The following SPATA16 variants were observed in gnomAD, a reference collection of about 807,000 sequenced individuals.
SPATA16 encodes spermatogenesis associated 16.
SPATA16 carries 36 observed loss-of-function variants against 63.3 expected under a neutral mutation model. The ratio of observed to expected loss-of-function variants is 0.57; its 90% CI spans 0.44 to 0.75. SPATA16 has a LOEUF of 0.75. Ranked by LOEUF, SPATA16 falls within the 30% of genes least tolerant of loss-of-function variation. The probability of loss-of-function intolerance (pLI) is 0.00; values close to 1 mark genes in which losing one functional copy is unlikely to be tolerated. For synonymous variants in SPATA16, 203 were observed against 216.7 expected (o/e 0.94, Z 0.56); for missense variants, 646 against 679.3 (o/e 0.95, Z 0.54).
chr3:172,973,230 C>T (rs1734085392), intron 5 of SPATA16, among the ~76,000 whole-genome samples: 2 of 151,994 alleles, frequency 1.3e-5, no homozygotes. Context: ...AGATCAATTT[C>T]CAATTCAATC....
rs1735226272 is a variant in SPATA16 at position 173,017,771 on chromosome 3, C to T, written c.848+1715G>A. Among the ~76,000 whole-genome samples the T allele has an allele frequency of 2.0e-5, 3 of 152,288 alleles. No individual in the cohort carries two copies. In the South Asian group the frequency reaches 6.2e-4, roughly 32 times the overall value. Reference sequence around the variant, plus strand: ...TCTTTCAATTGGATTCAAGATGTATCAATACACCACCTCTTAATGGAGGCT... The same window carrying T: ...TCTTTCAATTGGATTCAAGATGTATTAATACACCACCTCTTAATGGAGGCT... On this transcript the variant is annotated intron_variant, in intron 4 of 10. Transcript: ENST00000351008.
rs368985100 is a variant in SPATA16 at position 172,889,707 on chromosome 3, C to A, written c.1588-15G>T. 1 of 1,609,674 alleles carries A rather than the reference C, an allele frequency of 6.2e-7. No individual in the cohort carries two copies. Among genetic ancestry groups the A allele is most frequent in the Non-Finnish European group, 8.5e-7 (1 of 1,178,444 alleles). On this transcript the variant is annotated splice_polypyrimidine_tract_variant and intron_variant, in intron 10 of 10. Transcript: ENST00000351008. ...ATTTGTCCAACCTAGAAGAAATAAA[C>A]AGATGCAACAAGATTTGTTGTTGTT...
At chr3:173,065,495 A>C (rs551212859) in intron 2 of SPATA16, among the ~76,000 whole-genome samples, 2 of 152,332 alleles carry the variant, frequency 1.3e-5, no homozygotes, top group South Asian at 4.1e-4. Flanking sequence ...AACAACACCA[A>C]ATTTAACAAC....
chr3:172,889,410 A>T lies in SPATA16; in HGVS notation c.*160T>A. The T allele has an allele frequency of 1.0e-6, 1 of 1,002,214 alleles. No individual in the cohort carries two copies. Among genetic ancestry groups the T allele is most frequent in the Non-Finnish European group, 1.5e-6 (1 of 657,406 alleles). The allele number at this position is 1,002,214 out of a possible 1,614,324, so 62.1% of individuals were successfully genotyped here. A position where few individuals can be genotyped will look rare whatever the true frequency, so the allele number is the denominator to read the frequency against. ...TGCTGCCAGTTGAGATTAATGAAAC[A>T]TAGAGTGTCTTTGGTAAAGATGAAC... On this transcript the variant is annotated 3_prime_UTR_variant, in exon 11 of 11. Coordinates refer to ENST00000351008, the MANE Select transcript of SPATA16 (RefSeq NM_031955.6).
chr3:173,119,357 C>T (rs886313256), intron 1 of SPATA16, among the ~76,000 whole-genome samples: 3 of 152,068 alleles, frequency 2.0e-5, no homozygotes, highest in Admixed American at 6.5e-5. Context: ...GAACTGTGAC[C>T]CATTAGATTT....
At chr3:173,012,632 A>G (rs189162362) in intron 4 of SPATA16, among the ~76,000 whole-genome samples, 4 of 152,206 alleles carry the variant, frequency 2.6e-5, no homozygotes, top group Non-Finnish European at 5.9e-5. Flanking sequence ...TGCACCCCTA[A>G]CATCATCTGA....
intron 1 of SPATA16, among the ~76,000 whole-genome samples, chr3:173,139,475 G>A (rs1326966719): frequency 6.6e-6 from 1 of 152,168 alleles, no homozygotes. Context: ...TTCTACACTA[G>A]TTGAAAGACA....
At chr3:173,005,219 G>A (rs1326121296) in intron 4 of SPATA16, among the ~76,000 whole-genome samples, 2 of 151,762 alleles carry the variant, frequency 1.3e-5, no homozygotes, top group East Asian at 3.9e-4. Flanking sequence ...AGCTACTTGG[G>A]AGGCTGAGGC....
intron 2 of SPATA16, among the ~76,000 whole-genome samples, chr3:173,104,445 A>G (rs1240724751): frequency 2.0e-5 from 3 of 152,228 alleles, no homozygotes; most frequent in Admixed American, 1.3e-4. Context: ...TTACAGTTCT[A>G]CAGGATTTAC....
chr3:172,938,457 A>T (rs1733063862), intron 6 of SPATA16, among the ~76,000 whole-genome samples: 1 of 152,200 alleles, frequency 6.6e-6, no homozygotes, highest in Admixed American at 6.5e-5. Flanking sequence ...ATGAAACAAA[A>T]GTCTTAATAC....
intron 1 of SPATA16, among the ~76,000 whole-genome samples, chr3:173,122,327 T>C (rs1354460275): frequency 6.6e-6 from 1 of 152,208 alleles, no homozygotes; most frequent in Admixed American, 6.5e-5. Flanking sequence ...TTCTGTTCTA[T>C]GTGGGAGTTT....
Position 173,135,294 on chromosome 3 carries a change from G to T in SPATA16, c.-19+5809C>A, listed in dbSNP as rs534805085. Among the ~76,000 whole-genome samples, 3 of 152,298 alleles carry T rather than the reference G, an allele frequency of 2.0e-5. No homozygotes were observed. The East Asian group carries it at 5.8e-4, about 29-fold the overall frequency. On this transcript the variant is annotated intron_variant, in intron 1 of 10. Transcript: ENST00000351008. ...AAATCCACCAGAAGGCCAAAATTAA[G>T]AAGACAGACAATACCTAGTATTGGC...
intron 4 of SPATA16, among the ~76,000 whole-genome samples, chr3:173,001,573 T>C (rs536963495): frequency 6.6e-6 from 1 of 152,320 alleles, no homozygotes; most frequent in African/African-American, 2.4e-5. Context: ...AATTTGGTCC[T>C]CCAGAAATTT....
rs1271045189 is a variant in SPATA16, at chr3:172,889,505, A to G, written c.*65T>C. 4 of 1,609,618 alleles carry G rather than the reference A, an allele frequency of 2.5e-6. No individual in the cohort carries two copies. Among genetic ancestry groups the G allele is most frequent in the East Asian group, 2.2e-5 (1 of 44,866 alleles). ...TCCAGCTTCACAGTACTAGGTGGGC[A>G]TTGGAGTGGATGCCCTTGCCTCTTC... is the stretch of plus-strand genomic sequence containing the variant. On this transcript the variant is annotated 3_prime_UTR_variant, in exon 11 of 11. Coordinates refer to ENST00000351008, the MANE Select transcript of SPATA16 (RefSeq NM_031955.6).
chr3:173,041,433 A>C (rs1735837809), intron 3 of SPATA16, among the ~76,000 whole-genome samples: 1 of 152,162 alleles, frequency 6.6e-6, no homozygotes, highest in African/African-American at 2.4e-5. Context: ...GGATAATGTA[A>C]TGTCTTTCAG....
chr3:173,134,495 G>GA (rs920402367), intron 1 of SPATA16, among the ~76,000 whole-genome samples: 2 of 148,620 alleles, frequency 1.3e-5, no homozygotes, highest in Non-Finnish European at 3.0e-5. Context: ...CCTCAAAAAA[G>GA]AAAAAAAAAA....
chr3:173,069,900 A>C (rs190366017), intron 2 of SPATA16, among the ~76,000 whole-genome samples: 1 of 152,192 alleles, frequency 6.6e-6, no homozygotes, highest in African/African-American at 2.4e-5. Flanking sequence ...GATTACTTCA[A>C]TAGATGCTAG....
chr3:173,102,088 C>T (rs1242408369), intron 2 of SPATA16, among the ~76,000 whole-genome samples: 1 of 152,160 alleles, frequency 6.6e-6, no homozygotes, highest in African/African-American at 2.4e-5. Context: ...TTCATGATCC[C>T]TTTCCTTAGA....
chr3:173,134,985 T>C (rs961345068), intron 1 of SPATA16, among the ~76,000 whole-genome samples: 5 of 152,196 alleles, frequency 3.3e-5, no homozygotes, highest in Admixed American at 2.6e-4. Context: ...TTATACATAA[T>C]AATTTTTGTT....
Sources: gnomAD v4.1 joint callset for allele counts (sites outside exome capture counted in the v4.1 genomes callset) on GRCh38, gnomAD v4.1.1 for gene constraint, MANE v1.5 for transcripts, NCBI Gene and HGNC (gene_info 2026-07-23, HGNC 2026-07-21) for gene names.